The following ANO10 variants were observed in gnomAD, a reference collection of about 807,000 sequenced individuals.
ANO10 encodes anoctamin 10, also known as anoctamin-10.
In ANO10, 77 loss-of-function variants were observed where a neutral mutation model predicts 74.7. The observed-to-expected ratio is 1.03, with a 90% CI of 0.86 to 1.25. The LOEUF (loss-of-function observed/expected upper bound fraction) is 1.25. ANO10 is among the 50% of genes most tolerant of loss of function. ANO10 has a pLI of 0.00. For missense variants in ANO10, 721 were observed against 778.1 expected (o/e 0.93, Z 0.87); for synonymous variants, 279 against 284.9 (o/e 0.98, Z 0.21).
intron 11 of ANO10, chr3:43,485,976 A>G (rs926742132): frequency 4.2e-6 from 1 of 237,544 alleles, no homozygotes; most frequent in Non-Finnish European, 8.4e-6. Context: ...TTTACCCCAA[A>G]GTATATTTCC....
intron 12 of ANO10, among the ~76,000 whole-genome samples, chr3:43,398,317 GATTA>G (rs1559507854): frequency 6.6e-6 from 1 of 152,186 alleles, no homozygotes; most frequent in Non-Finnish European, 1.5e-5. Flanking sequence ...GATTAATGTA[GATTA>G]ATTTGAAGTT....
intron 1 of ANO10, among the ~76,000 whole-genome samples, chr3:43,615,085 T>C (rs1197174882): frequency 6.6e-6 from 1 of 151,792 alleles, no homozygotes; most frequent in Non-Finnish European, 1.5e-5. Flanking sequence ...ACATAATAAA[T>C]AAACAGTAAT....
chr3:43,467,694 C>T (rs535475206), intron 11 of ANO10, among the ~76,000 whole-genome samples: 24 of 152,214 alleles, frequency 1.6e-4, no homozygotes, highest in Admixed American at 5.2e-4. Context: ...ATTGTTGAGA[C>T]CTATCAAGCT....
At chr3:43,569,886 G>T (rs1334350158) in intron 7 of ANO10, among the ~76,000 whole-genome samples, 45 of 109,686 alleles carry the variant, frequency 4.1e-4, no homozygotes, top group African/African-American at 1.6e-3. Context: ...AGGAAAAGAG[G>T]AAGTCAAATT....
chr3:43,452,170 A>G (rs1197647221), intron 11 of ANO10, among the ~76,000 whole-genome samples: 1 of 152,220 alleles, frequency 6.6e-6, no homozygotes, highest in Non-Finnish European at 1.5e-5. Flanking sequence ...TTGTTTTTAA[A>G]AAAACCAACA....
At chr3:43,592,294 G>A (rs2081821745) in intron 4 of ANO10, among the ~76,000 whole-genome samples, 1 of 152,232 alleles carries the variant, frequency 6.6e-6, no homozygotes, top group Non-Finnish European at 1.5e-5. Flanking sequence ...CGGACAGACT[G>A]CCTCCTCAAG....
At position 43,425,097 on chromosome 3, in the gene ANO10, T is replaced by TATTA. The variant is rs572546245; in HGVS notation, c.1914+7513_1914+7514insTAAT. ...TCATTCTGAACTAGATGTTAGCAGA[T>TATTA]TAATATGTGATTACCTATTCAATAG... On this transcript the variant is annotated intron_variant, in intron 12 of 12. Coordinates refer to ENST00000292246, the MANE Select transcript of ANO10 (RefSeq NM_018075.5). 1.8e-4 allele frequency among the ~76,000 whole-genome samples: 27 copies of TATTA among 152,290 alleles called. No individual in the cohort carries two copies. In the South Asian group the frequency reaches 5.4e-3, roughly 30 times the overall value.
chr3:43,566,590 C>A (rs954054120), intron 7 of ANO10, among the ~76,000 whole-genome samples: 2 of 152,182 alleles, frequency 1.3e-5, no homozygotes, highest in African/African-American at 2.4e-5. Context: ...ACACCTCACA[C>A]GGCAGGGTAT....
At chr3:43,678,365 G>T (rs1236195683) in intron 1 of ANO10, among the ~76,000 whole-genome samples, 1 of 152,122 alleles carries the variant, frequency 6.6e-6, no homozygotes, top group African/African-American at 2.4e-5. Context: ...TCCAAAGAAA[G>T]AAGTAAAAAC....
intron 1 of ANO10, among the ~76,000 whole-genome samples, chr3:43,613,997 G>T (rs190870261): frequency 6.6e-6 from 1 of 152,076 alleles, no homozygotes; most frequent in Non-Finnish European, 1.5e-5. Context: ...GTTCAACTTA[G>T]ACTAGATACA....
chr3:43,394,816 C>T (rs2148854822), intron 12 of ANO10, among the ~76,000 whole-genome samples: 1 of 152,294 alleles, frequency 6.6e-6, no homozygotes, highest in South Asian at 2.1e-4. Flanking sequence ...CTGACATGGG[C>T]AAGGTCCTAC....
intron 11 of ANO10, among the ~76,000 whole-genome samples, chr3:43,522,923 A>G (rs1264739082): frequency 1.3e-5 from 2 of 152,134 alleles, no homozygotes; most frequent in African/African-American, 4.8e-5. Flanking sequence ...AGTTTAGGGT[A>G]AAAAATTATT....
Position 43,580,428 on chromosome 3 carries a change from G to A in ANO10, c.517C>T (p.Leu173=). The A allele has an allele frequency of 1.9e-6, 3 of 1,614,002 alleles. No individual in the cohort carries two copies. Among genetic ancestry groups the A allele is most frequent in the Non-Finnish European group, 2.5e-6 (3 of 1,179,996 alleles). Residue 173 remains leucine, a synonymous_variant, in exon 5 of 13, where the codon CTG becomes TTG. Transcript: ENST00000292246. ...TSGIVIQVFP[L]HDSEALKKLE... is the part of the protein sequence containing the mutation. ...TTCTTCAGGGCTTCACTGTCATGCA[G>A]TGGAAACACCTGAATCACGATGCCA...
At chr3:43,593,376 A>T (rs1352320438) in intron 4 of ANO10, among the ~76,000 whole-genome samples, 1 of 152,186 alleles carries the variant, frequency 6.6e-6, no homozygotes, top group East Asian at 1.9e-4. Context: ...CGGGTTACCC[A>T]CAAAGGGAAG....
At chr3:43,586,185 T>C (rs2081473552) in intron 4 of ANO10, among the ~76,000 whole-genome samples, 1 of 152,132 alleles carries the variant, frequency 6.6e-6, no homozygotes, top group Non-Finnish European at 1.5e-5. Context: ...GTCTGCTCCC[T>C]GCCTGGCACC....
At chr3:43,557,017 T>TA (rs1165894289) in intron 9 of ANO10, among the ~76,000 whole-genome samples, 1 of 152,078 alleles carries the variant, frequency 6.6e-6, no homozygotes, top group South Asian at 2.1e-4. Flanking sequence ...GTAAAAGATA[T>TA]AAAAATTAAC....
chr3:43,572,119 C>G (rs73832622), intron 7 of ANO10, among the ~76,000 whole-genome samples: 3,594 of 152,272 alleles, frequency 0.024, 145 homozygotes, highest in African/African-American at 0.081. Flanking sequence ...CCTGACATTT[C>G]CCAACCCCAA....
At chr3:43,649,038 G>A (rs2083758244) in intron 1 of ANO10, among the ~76,000 whole-genome samples, 1 of 152,086 alleles carries the variant, frequency 6.6e-6, no homozygotes, top group Admixed American at 6.5e-5. Context: ...TCTATCTTGT[G>A]CTGACCTCCT....
chr3:43,498,131 G>C (rs1344145268), intron 11 of ANO10, among the ~76,000 whole-genome samples: 1 of 152,224 alleles, frequency 6.6e-6, no homozygotes, highest in Non-Finnish European at 1.5e-5. Context: ...TCTTTAAAAA[G>C]TATGAATCAC....
Sources: gnomAD v4.1 joint callset for allele counts (sites outside exome capture counted in the v4.1 genomes callset) on GRCh38, gnomAD v4.1.1 for gene constraint, MANE v1.5 for transcripts, NCBI Gene and HGNC (gene_info 2026-07-23, HGNC 2026-07-21) for gene names.